Variants in ANKRD33B observed in about 807,000 individuals in gnomAD.
ANKRD33B encodes ankyrin repeat domain 33B, also known as ankyrin repeat domain-containing protein 33B.
A neutral mutation model predicts 21.5 loss-of-function variants in ANKRD33B; 6 were observed. The ratio of observed to expected loss-of-function variants is 0.28; its 90% confidence interval spans 0.15 to 0.55. The LOEUF (loss-of-function observed/expected upper bound fraction) is 0.55, where lower values mean the gene tolerates loss of function less well. Ranked by LOEUF, ANKRD33B falls within the 20% of genes least tolerant of loss-of-function variation. ANKRD33B has a pLI of 0.94. For synonymous variants in ANKRD33B, 347 were observed against 342.4 expected, an observed-to-expected ratio of 1.01 and a Z score of -0.15; for missense variants, 698 against 747.2, an observed-to-expected ratio of 0.93 and a Z score of 0.77.
At chr5:10,620,094 T>C (rs1736386082) in intron 2 of ANKRD33B, among the ~76,000 whole-genome samples, 1 of 151,962 alleles carries the variant, frequency 6.6e-6, no homozygotes, top group Non-Finnish European at 1.5e-5. Context: ...CTAAGCCCAA[T>C]GCAAGGGAAT....
intron 1 of ANKRD33B, among the ~76,000 whole-genome samples, chr5:10,608,502 G>A: frequency 6.6e-6 from 1 of 152,134 alleles, no homozygotes; most frequent in East Asian, 1.9e-4. Flanking sequence ...GCAACTCTCA[G>A]GTTCATTCCT....
chr5:10,630,437 G>T (rs73036553), intron 2 of ANKRD33B, among the ~76,000 whole-genome samples: 3,179 of 152,226 alleles, frequency 0.021, 120 homozygotes, highest in African/African-American at 0.073. Context: ...ACATCCCATC[G>T]GCCAAGGTTC....
At position 10,650,255 on chromosome 5, in the gene ANKRD33B, T is replaced by A; in HGVS notation, c.*142T>A. The stretch of plus-strand genomic sequence containing the variant: ...GGGGCTGCGCGCATTTCCAGGCTGT[T>A]TGTCCAGGCTGCTTCCAAGAGAGGG... On this transcript the variant is annotated 3_prime_UTR_variant, in exon 4 of 4. Transcript: ENST00000296657. 1 of 949,730 alleles carries A rather than the reference T, an allele frequency of 1.1e-6. No homozygotes were observed. The highest frequency in any genetic ancestry group is 1.4e-6 in the Non-Finnish European group (1 of 707,494). The allele number at this position is 949,730 out of a possible 1,614,324, so 58.8% of individuals were successfully genotyped here. A position where few individuals can be genotyped will look rare whatever the true frequency, so the allele number is the denominator to read the frequency against.
In ANKRD33B at chr5:10,656,176, C is replaced by T. The variant is rs1032932003; in HGVS notation, c.*6063C>T. Reference sequence around the variant, plus strand: ...TTGCACTCACAGGTTCCTTCATTAACATTTTAAATAAGTGGCTAAAAAAAC... The same window carrying T: ...TTGCACTCACAGGTTCCTTCATTAATATTTTAAATAAGTGGCTAAAAAAAC... On this transcript the variant is annotated 3_prime_UTR_variant, in exon 4 of 4. Transcript: ENST00000296657. 6.6e-6 allele frequency: 1 copy of T among 152,290 alleles called. No individual in the cohort carries two copies. Among genetic ancestry groups the T allele is most frequent in the Non-Finnish European group, 1.5e-5 (1 of 68,022 alleles). 9.4% of individuals were successfully genotyped at this position (152,290 alleles called of 1,614,324 possible).
intron 1 of ANKRD33B, among the ~76,000 whole-genome samples, chr5:10,581,577 C>T (rs370240677): frequency 1.3e-5 from 2 of 152,208 alleles, no homozygotes; most frequent in East Asian, 3.8e-4. Context: ...TACTCCCTGT[C>T]ATGGTTAGTT....
At chr5:10,590,626 G>A (rs535236762) in intron 1 of ANKRD33B, among the ~76,000 whole-genome samples, 5 of 151,490 alleles carry the variant, frequency 3.3e-5, no homozygotes, top group African/African-American at 4.9e-5. Context: ...GTGTGTGTGT[G>A]TTTTCAGCCA....
chr5:10,580,658 G>A (rs1735425770), intron 1 of ANKRD33B, among the ~76,000 whole-genome samples: 1 of 152,036 alleles, frequency 6.6e-6, no homozygotes, highest in Non-Finnish European at 1.5e-5. Flanking sequence ...GGGCAGCTCT[G>A]TGGAGAGTAG....
chr5:10,644,763 CATT>C (rs1737152326), intron 3 of ANKRD33B, among the ~76,000 whole-genome samples: 1 of 152,170 alleles, frequency 6.6e-6, no homozygotes, highest in African/African-American at 2.4e-5. Context: ...TGTTTGAAGT[CATT>C]AGCCAGAGAA....
chr5:10,645,292 T>C (rs1395339493), intron 3 of ANKRD33B, among the ~76,000 whole-genome samples: 1 of 152,064 alleles, frequency 6.6e-6, no homozygotes, highest in East Asian at 1.9e-4. Context: ...GAGCTAGGGT[T>C]TGTAGAGTGG....
rs1579723782 is a variant in ANKRD33B at position 10,596,082 on chromosome 5, A to G, written c.367-22251A>G. On this transcript the variant is annotated intron_variant, in intron 1 of 3. Coordinates refer to ENST00000296657, the MANE Select transcript of ANKRD33B (RefSeq NM_001164440.2). ...ATTGTTCCAGGCCAGAAAAAAACTA[A>G]GCCAAACCAAAACAACAGAATGACT... Among the ~76,000 whole-genome samples, 4 of 152,378 alleles carry G rather than the reference A, an allele frequency of 2.6e-5. 1 individual carries two copies. Among genetic ancestry groups the G allele is most frequent in the Admixed American group, 2.6e-4 (4 of 15,312 alleles).
chr5:10,607,129 A>C (rs1246706828), intron 1 of ANKRD33B, among the ~76,000 whole-genome samples: 11 of 152,214 alleles, frequency 7.2e-5, no homozygotes, highest in Non-Finnish European at 1.5e-5. Context: ...AGGCAACCTG[A>C]CACATGAATA....
At chr5:10,629,273 A>G (rs1467957606) in intron 2 of ANKRD33B, among the ~76,000 whole-genome samples, 1 of 152,206 alleles carries the variant, frequency 6.6e-6, no homozygotes, top group East Asian at 1.9e-4. Context: ...TGGAGAAACA[A>G]AGACAGTTTT....
At chr5:10,573,527 C>G (rs1421806243) in intron 1 of ANKRD33B, among the ~76,000 whole-genome samples, 1 of 150,820 alleles carries the variant, frequency 6.6e-6, no homozygotes, top group Non-Finnish European at 1.5e-5. Context: ...CTGTATTAGT[C>G]TGTTTTCATA....
chr5:10,610,112 G>A (rs1486550708), intron 1 of ANKRD33B, among the ~76,000 whole-genome samples: 3 of 152,324 alleles, frequency 2.0e-5, no homozygotes, highest in African/African-American at 2.4e-5. Flanking sequence ...TTAAGCATCC[G>A]ATTGGTGAAA....
intron 1 of ANKRD33B, among the ~76,000 whole-genome samples, chr5:10,590,501 A>G (rs979309125): frequency 1.3e-4 from 20 of 152,116 alleles, no homozygotes; most frequent in African/African-American, 4.3e-4. Flanking sequence ...AGCTTATCCA[A>G]CCCCTGGCCT....
intron 1 of ANKRD33B, among the ~76,000 whole-genome samples, chr5:10,617,508 C>T (rs1486461306): frequency 6.6e-6 from 1 of 152,248 alleles, no homozygotes; most frequent in East Asian, 1.9e-4. Context: ...GCCTCCCCAG[C>T]TGCTGCCCCC....
At chr5:10,587,656 T>G (rs2126557901) in intron 1 of ANKRD33B, among the ~76,000 whole-genome samples, 1 of 152,212 alleles carries the variant, frequency 6.6e-6, no homozygotes, top group East Asian at 1.9e-4. Flanking sequence ...ATAGTGAATT[T>G]TTCGGTGTTC....
chr5:10,610,974 G>GCGGA (rs1354130906), intron 1 of ANKRD33B, among the ~76,000 whole-genome samples: 1 of 152,208 alleles, frequency 6.6e-6, no homozygotes, highest in African/African-American at 2.4e-5. Context: ...AACCTGGGGG[G>GCGGA]CGGAGGTTGC....
At chr5:10,599,599 T>C (rs1735888567) in intron 1 of ANKRD33B, among the ~76,000 whole-genome samples, 1 of 152,226 alleles carries the variant, frequency 6.6e-6, no homozygotes, top group Non-Finnish European at 1.5e-5. Flanking sequence ...TGTCTTTTTG[T>C]ATATGGGTAA....
Sources: gnomAD v4.1 joint callset for allele counts (sites outside exome capture counted in the v4.1 genomes callset) on GRCh38, gnomAD v4.1.1 for gene constraint, MANE v1.5 for transcripts, NCBI Gene and HGNC (gene_info 2026-07-23, HGNC 2026-07-21) for gene names.